The following SRGAP2 variants were observed in gnomAD, a reference collection of about 807,000 sequenced individuals.
SRGAP2 encodes the protein SLIT-ROBO Rho GTPase activating protein 2.
Under a neutral mutation model 57.2 loss-of-function variants are expected in SRGAP2, and 15 were observed. The observed-to-expected ratio is 0.26, with a 90% CI of 0.18 to 0.40. The LOEUF (loss-of-function observed/expected upper bound fraction) is 0.40, where lower values mean the gene tolerates loss of function less well. Ranked by LOEUF, SRGAP2 falls within the 10% of genes least tolerant of loss-of-function variation. The pLI is 1.00. For synonymous variants in SRGAP2, 249 were observed against 248.0 expected (o/e 1.00, Z -0.04); for missense variants, 520 against 669.6 (o/e 0.78, Z 2.47).
chr1:206,360,291 A>G (rs1312552956), intron 4 of SRGAP2, among the ~76,000 whole-genome samples: 2 of 148,136 alleles, frequency 1.4e-5, no homozygotes, highest in Non-Finnish European at 3.0e-5. Context: ...GAGAAACAGT[A>G]AGGAGACCTT....
At chr1:206,413,491 A>G (rs923018008) in intron 10 of SRGAP2, among the ~76,000 whole-genome samples, 1 of 152,252 alleles carries the variant, frequency 6.6e-6, no homozygotes, top group Non-Finnish European at 1.5e-5. Context: ...GTGCAAAAGC[A>G]TAAAAGGACA....
At chr1:206,416,855 C>G (rs1659755231) in intron 11 of SRGAP2, among the ~76,000 whole-genome samples, 1 of 149,498 alleles carries the variant, frequency 6.7e-6, no homozygotes, top group African/African-American at 2.4e-5. Context: ...GTGCTAACAT[C>G]AGTTACAGGC....
At chr1:206,433,322 A>G (rs1459310123) in intron 14 of SRGAP2, among the ~76,000 whole-genome samples, 1 of 152,160 alleles carries the variant, frequency 6.6e-6, no homozygotes, top group Non-Finnish European at 1.5e-5. Flanking sequence ...TTAGAACAAC[A>G]TTAGTGTTTC....
intron 4 of SRGAP2, among the ~76,000 whole-genome samples, chr1:206,370,208 G>A (rs555607926): frequency 6.6e-6 from 1 of 152,286 alleles, no homozygotes; most frequent in Non-Finnish European, 1.5e-5. Flanking sequence ...GGAGCTTGCA[G>A]TGAGCAGAGA....
At chr1:206,259,816 C>T (rs1553313185) in intron 2 of SRGAP2, among the ~76,000 whole-genome samples, 1 of 136,258 alleles carries the variant, frequency 7.3e-6, no homozygotes, top group Admixed American at 7.4e-5. Context: ...ATTGTGGGTT[C>T]TTTTAACCCA....
intron 19 of SRGAP2, among the ~76,000 whole-genome samples, chr1:206,452,607 C>T (rs1019529179): frequency 9.2e-5 from 14 of 152,054 alleles, no homozygotes; most frequent in Non-Finnish European, 1.8e-4. Context: ...GCAGGGGATG[C>T]GGTCGGGCGC....
At chr1:206,416,840 AATATG>A (rs2103223229) in intron 11 of SRGAP2, among the ~76,000 whole-genome samples, 1 of 149,972 alleles carries the variant, frequency 6.7e-6, no homozygotes, top group African/African-American at 2.4e-5. Flanking sequence ...AGCTGCAGGG[AATATG>A]TGCTAACATC....
chr1:206,416,845 G>A (rs1659754050), intron 11 of SRGAP2, among the ~76,000 whole-genome samples: 1 of 149,112 alleles, frequency 6.7e-6, no homozygotes, highest in Non-Finnish European at 1.5e-5. Context: ...CAGGGAATAT[G>A]TGCTAACATC....
chr1:206,227,364 G>A (rs1667339681), intron 2 of SRGAP2, among the ~76,000 whole-genome samples: 1 of 152,204 alleles, frequency 6.6e-6, no homozygotes, highest in African/African-American at 2.4e-5. Context: ...GGGATTATTT[G>A]TGCCATCATC....
chr1:206,341,388 A>G (rs565446629), intron 3 of SRGAP2, among the ~76,000 whole-genome samples: 1 of 152,272 alleles, frequency 6.6e-6, no homozygotes, highest in African/African-American at 2.4e-5. Context: ...CTTGGTTTGA[A>G]TTCTGGAATT....
intron 2 of SRGAP2, among the ~76,000 whole-genome samples, chr1:206,295,405 C>T (rs1553620299): frequency 1.3e-5 from 2 of 151,734 alleles, no homozygotes; most frequent in Admixed American, 6.6e-5. Context: ...TTGTATCTTT[C>T]GTAGTGATGG....
intron 2 of SRGAP2, among the ~76,000 whole-genome samples, chr1:206,290,896 T>G (rs1196909897): frequency 2.0e-5 from 3 of 152,086 alleles, no homozygotes; most frequent in African/African-American, 4.8e-5. Context: ...AGGGTCAGAC[T>G]TTTCTCTGCG....
At chr1:206,414,793 CTTCCCTATGTGCCATACAG>C (rs1659537199) in intron 10 of SRGAP2, among the ~76,000 whole-genome samples, 1 of 152,210 alleles carries the variant, frequency 6.6e-6, no homozygotes, top group Non-Finnish European at 1.5e-5. Context: ...GAAATAATAT[CTTCCCTATGTGCCATACAG>C]TTATTTATTG....
rs1342396233 is a variant in SRGAP2 at position 206,236,522 on chromosome 1, A to ATCAT, written c.67+30489_67+30492dup. Among the ~76,000 whole-genome samples the ATCAT allele has an allele frequency of 3.1e-4, 47 of 150,936 alleles. No homozygotes were observed. In the South Asian group the frequency reaches 9.9e-3, roughly 32 times the overall value. On this transcript the variant is annotated intron_variant, in intron 2 of 22. Coordinates refer to ENST00000573034, the MANE Select transcript of SRGAP2 (RefSeq NM_015326.5). ...CCAAAACTGAGGTGGCATTTGGGATATCATTCACCTTTTGGTCTGTGCTTC... is the reference window on the plus strand; with the variant it reads ...CCAAAACTGAGGTGGCATTTGGGATATCATTCATTCACCTTTTGGTCTGTGCTTC...
chr1:206,333,894 AT>A (rs1553332843), intron 3 of SRGAP2, among the ~76,000 whole-genome samples: 3 of 152,124 alleles, frequency 2.0e-5, no homozygotes, highest in Non-Finnish European at 4.4e-5. Flanking sequence ...TGCTAATTTG[AT>A]CTACTAACCT....
intron 2 of SRGAP2, among the ~76,000 whole-genome samples, chr1:206,255,927 C>T (rs1203769231): frequency 3.4e-5 from 5 of 148,634 alleles, no homozygotes; most frequent in African/African-American, 1.2e-4. Context: ...GCTATGTGTT[C>T]GCTCCAGTCC....
At chr1:206,360,129 G>A (rs2102989069) in intron 4 of SRGAP2, among the ~76,000 whole-genome samples, 1 of 152,056 alleles carries the variant, frequency 6.6e-6, no homozygotes, top group South Asian at 2.1e-4. Context: ...TATATAGGGT[G>A]GTCAGAGACG....
Position 206,393,477 on chromosome 1 carries a change from T to C in SRGAP2, c.703-68T>C, listed in dbSNP as rs558989205. 5.2e-4 allele frequency: 365 copies of C among 708,334 alleles called. 1 individual carries two copies. The African/African-American group carries it at 5.6e-3, about 11-fold the overall frequency. 43.9% of individuals were successfully genotyped at this position (708,334 alleles called of 1,614,324 possible). A position where few individuals can be genotyped will look rare whatever the true frequency, so the allele number is the denominator to read the frequency against. On this transcript the variant is annotated intron_variant, in intron 6 of 22. Transcript: ENST00000573034. ...TGTAGTTCTTGAATACACTGTACTT[T>C]TATCTTTTAGAGAACAAGCCCCCCT...
intron 3 of SRGAP2, among the ~76,000 whole-genome samples, chr1:206,332,215 G>A (rs1349020239): frequency 8.4e-6 from 1 of 119,212 alleles, no homozygotes; most frequent in Non-Finnish European, 1.7e-5. Context: ...AGGGTAACCC[G>A]ACCTTTCTCT....
Sources: allele counts gnomAD v4.1 joint callset (sites outside exome capture counted in the v4.1 genomes callset), GRCh38; gene constraint gnomAD v4.1.1; transcripts MANE v1.5; gene names NCBI Gene and HGNC (gene_info 2026-07-23, HGNC 2026-07-21).